Variants in CACNG8 observed in about 807,000 individuals in gnomAD.
The protein encoded by CACNG8 is calcium voltage-gated channel auxiliary subunit gamma 8, also known as voltage-dependent calcium channel gamma-8 subunit.
Under a neutral mutation model 26.9 loss-of-function variants are expected in CACNG8, and 5 were observed. The observed-to-expected ratio is 0.19, with a 90% CI of 0.10 to 0.39. The LOEUF is 0.39. Ranked by LOEUF, CACNG8 falls within the 10% of genes least tolerant of loss-of-function variation. The pLI is 1.00. For missense variants in CACNG8, 473 were observed against 609.4 expected (o/e 0.78, Z 2.36); for synonymous variants, 321 against 296.7 (o/e 1.08, Z -0.84).
Position 53,982,575 on chromosome 19 carries a change from C to A in CACNG8, c.1004C>A (p.Ala335Glu). The A allele has an allele frequency of 7.1e-6, 7 of 981,206 alleles. No individual in the cohort carries two copies. Among genetic ancestry groups the A allele is most frequent in the Non-Finnish European group, 8.5e-6 (7 of 827,010 alleles). The allele number at this position is 981,206 out of a possible 1,614,324, so 60.8% of individuals were successfully genotyped here. A position where few individuals can be genotyped will look rare whatever the true frequency, so the allele number is the denominator to read the frequency against. Residue 335 changes from alanine (A) to glutamate (E), a missense_variant, in exon 4 of 4, where the codon GCG becomes GAG. Physicochemically the swap from Ala to Glu is moderately radical, Grantham distance 107. Transcript: ENST00000270458. The surrounding 1 kb of genome is among the most constrained non-coding windows in gnomAD (Gnocchi z 8.4). The stretch of plus-strand genomic sequence containing the variant: ...GGCGGCGGCGGCGGCGCCGTGGGGG[C>A]GTTCGGCGGCGCGGCCGGGGGCGCC...
intron 1 of CACNG8, among the ~76,000 whole-genome samples, chr19:53,973,775 G>A (rs2069315585): frequency 1.3e-5 from 2 of 151,878 alleles, no homozygotes; most frequent in African/African-American, 4.8e-5. Context: ...GCAGTGAGCC[G>A]AAATCGAGCC....
At position 53,989,943 on chromosome 19, in the gene CACNG8, G is replaced by T. The variant is rs1027817430; in HGVS notation, c.*7094G>T. The T allele has an allele frequency of 1.3e-5, 2 of 152,464 alleles. No homozygotes were observed. Among genetic ancestry groups the T allele is most frequent in the East Asian group, 3.9e-4 (2 of 5,194 alleles). 9.4% of individuals were successfully genotyped at this position (152,464 alleles called of 1,614,324 possible). ...CTCCATCGGAAAAGTCCAGAGCAGG[G>T]GGTGGGCAGAGAGGCCCAGCGTGCA... On this transcript the variant is annotated 3_prime_UTR_variant, in exon 4 of 4. Coordinates refer to ENST00000270458, the MANE Select transcript of CACNG8 (RefSeq NM_031895.6).
intron 2 of CACNG8, 59 bp downstream of exon 2, chr19:53,978,288 G>T (rs755343741): frequency 2.4e-5 from 33 of 1,385,526 alleles, no homozygotes; most frequent in Admixed American, 1.3e-4. Flanking sequence ...CCTGGAAGGC[G>T]TCGGGGTGGG....
Position 53,982,494 on chromosome 19 carries a change from C to G in CACNG8, c.923C>G (p.Thr308Arg). 1 of 1,492,378 alleles carries G rather than the reference C, an allele frequency of 6.7e-7. No individual in the cohort carries two copies. Among genetic ancestry groups the G allele is most frequent in the Non-Finnish European group, 8.9e-7 (1 of 1,129,502 alleles). 92.4% of individuals were successfully genotyped at this position (1,492,378 alleles called of 1,614,324 possible). A position where few individuals can be genotyped will look rare whatever the true frequency, so the allele number is the denominator to read the frequency against. Reference sequence around the variant, plus strand: ...GCCTCCACGGACATCTCCATGTACACGCTCAGCCGCGACCCCTCCAAGGGC... The same window carrying G: ...GCCTCCACGGACATCTCCATGTACAGGCTCAGCCGCGACCCCTCCAAGGGC... The change falls in exon 4 of 4, where the codon ACG (threonine) becomes AGG (arginine). Residue 308 changes from threonine to arginine, a missense_variant. Physicochemically the swap from Thr to Arg is moderately conservative, Grantham distance 71. Coordinates refer to ENST00000270458, the MANE Select transcript of CACNG8 (RefSeq NM_031895.6). The surrounding 1 kb of genome is among the most constrained non-coding windows in gnomAD (Gnocchi z 8.4).
intron 1 of CACNG8, among the ~76,000 whole-genome samples, chr19:53,973,472 G>A (rs894478665): frequency 1.3e-5 from 2 of 152,068 alleles, no homozygotes; most frequent in Non-Finnish European, 2.9e-5. Context: ...GCAGTGAGCC[G>A]AGATTGTGCC....
chr19:53,967,861 T>C (rs1031757261), intron 1 of CACNG8, among the ~76,000 whole-genome samples: 3 of 152,094 alleles, frequency 2.0e-5, no homozygotes, highest in African/African-American at 7.2e-5. Context: ...TTGAATTCCA[T>C]GTCATTTTCA....
At chr19:53,977,522 T>G (rs2069336658) in intron 1 of CACNG8, among the ~76,000 whole-genome samples, 1 of 152,064 alleles carries the variant, frequency 6.6e-6, no homozygotes, top group South Asian at 2.1e-4. Context: ...TCTGCTTGCT[T>G]CAACTACTCC....
In CACNG8 at chr19:53,967,647, C is replaced by G. The variant is rs543262572; in HGVS notation, c.283+4222C>G. ...GTCAGGAGTTCAAGACCAGCCTGGC[C>G]AACATGGTGAAAACTGGTCTCCACT... On this transcript the variant is annotated intron_variant, in intron 1 of 3. Coordinates refer to ENST00000270458, the MANE Select transcript of CACNG8 (RefSeq NM_031895.6). Among the ~76,000 whole-genome samples the G allele has an allele frequency of 4.4e-4, 67 of 151,830 alleles. 1 individual carries two copies. In the South Asian group the frequency reaches 6.7e-3, roughly 15 times the overall value.
intron 3 of CACNG8, among the ~76,000 whole-genome samples, chr19:53,981,678 T>A (rs529545348): frequency 1.8e-4 from 27 of 151,554 alleles, no homozygotes; most frequent in Middle Eastern, 3.2e-3. Flanking sequence ...ATTTAGACCA[T>A]CTGAGGGGGT....
chr19:53,969,426 C>CTT (rs535359558), intron 1 of CACNG8, among the ~76,000 whole-genome samples: 5 of 140,112 alleles, frequency 3.6e-5, no homozygotes, highest in Admixed American at 7.2e-5. Context: ...GATTTGTTTA[C>CTT]TTTTTTTTTT....
At chr19:53,980,087 C>T (rs2909772) in intron 3 of CACNG8, 80 bp downstream of exon 3, 577 of 1,096,762 alleles carry the variant, frequency 5.3e-4, no homozygotes, top group South Asian at 1.5e-3. Context: ...TGTGTGTGTG[C>T]GCGCGCGCGC....
chr19:53,982,759 C>T lies in CACNG8; in HGVS notation c.1188C>T (p.Pro396=), dbSNP rs2069381057. 8.0e-7 allele frequency: 1 copy of T among 1,244,894 alleles called. No individual in the cohort carries two copies. Among genetic ancestry groups the T allele is most frequent in the Non-Finnish European group, 1.0e-6 (1 of 995,666 alleles). The allele number at this position is 1,244,894 out of a possible 1,614,324, so 77.1% of individuals were successfully genotyped here. Residue 396 remains proline (P), a synonymous_variant, in exon 4 of 4, where the codon CCC becomes CCT. Transcript: ENST00000270458. This position sits in a 1 kb window ranked among gnomAD's most constrained non-coding sequence, Gnocchi z 8.4. ...CCGCCCCGCCCGCGCCCGCGCCACCCGCGCCCTCTGCGCCCGCCCCCGGGA... is the reference window on the plus strand; with the variant it reads ...CCGCCCCGCCCGCGCCCGCGCCACCTGCGCCCTCTGCGCCCGCCCCCGGGA...
chr19:53,981,003 C>T (rs1212083625), intron 3 of CACNG8, among the ~76,000 whole-genome samples: 1 of 151,536 alleles, frequency 6.6e-6, no homozygotes, highest in East Asian at 1.9e-4. Context: ...GGCAAGGACC[C>T]GAGACCGGCA....
At chr19:53,981,244 C>T (rs903923791) in intron 3 of CACNG8, among the ~76,000 whole-genome samples, 2 of 152,156 alleles carry the variant, frequency 1.3e-5, no homozygotes, top group Non-Finnish European at 2.9e-5. Context: ...AGGGATGAGG[C>T]TTGGGAAAAA....
chr19:53,980,068 G>GTA, intron 3 of CACNG8, 61 bp downstream of exon 3: 1 of 1,416,978 alleles, frequency 7.1e-7, no homozygotes, highest in Non-Finnish European at 9.4e-7. Flanking sequence ...GTGTGTGTGT[G>GTA]TGTGTGTGTG....
rs369729652 is a variant in CACNG8, at chr19:53,978,843, TAGAC to T, written c.367+615_367+618del. The stretch of plus-strand genomic sequence containing the variant: ...GGAGGAAAAGAGGGAGAAAGAGAGA[TAGAC>T]GAAGTCAGGCCTAAAGGGGGTAGGG... On this transcript the variant is annotated intron_variant, in intron 2 of 3. Coordinates refer to ENST00000270458, the MANE Select transcript of CACNG8 (RefSeq NM_031895.6). Among the ~76,000 whole-genome samples the T allele has an allele frequency of 6.5e-3, 697 of 107,094 alleles. 10 individuals carry two copies. The highest frequency in any genetic ancestry group is 0.025 in the African/African-American group (663 of 26,418). The allele number at this position is 107,094 out of a possible 152,430, so 70.3% of individuals were successfully genotyped here. A position where few individuals can be genotyped will look rare whatever the true frequency, so the allele number is the denominator to read the frequency against.
intron 1 of CACNG8, among the ~76,000 whole-genome samples, chr19:53,969,605 T>C (rs2069290714): frequency 6.6e-6 from 1 of 152,050 alleles, no homozygotes; most frequent in Non-Finnish European, 1.5e-5. Context: ...TCTAGGAGAA[T>C]GAAGCAACAA....
chr19:53,975,631 G>A (rs2069326650), intron 1 of CACNG8, among the ~76,000 whole-genome samples: 1 of 152,060 alleles, frequency 6.6e-6, no homozygotes, highest in Non-Finnish European at 1.5e-5. Flanking sequence ...CCACCCACTT[G>A]GTCTCCCAAA....
intron 3 of CACNG8, 78 bp downstream of exon 3, chr19:53,980,085 TGCGCGC>T: frequency 2.0e-6 from 2 of 1,011,518 alleles, no homozygotes; most frequent in South Asian, 2.3e-5. Flanking sequence ...TGTGTGTGTG[TGCGCGC>T]GCGCGCGTGA....
Sources: gnomAD v4.1 joint callset for allele counts (sites outside exome capture counted in the v4.1 genomes callset) on GRCh38, gnomAD v4.1.1 for gene constraint, Gnocchi (gnomAD v3.1) non-coding constraint, MANE v1.5 for transcripts, NCBI Gene and HGNC (gene_info 2026-07-23, HGNC 2026-07-21) for gene names.